Variants in GNG4 observed in about 807,000 individuals in gnomAD.
GNG4 encodes guanine nucleotide-binding protein G(I)/G(S)/G(O) subunit gamma-4.
A neutral mutation model predicts 5.8 loss-of-function variants in GNG4; 4 were observed. That is an observed-to-expected ratio of 0.69 (90% CI 0.34 to 1.57). GNG4 has a LOEUF of 1.57. GNG4 is among the 40% of genes most tolerant of loss of function. The pLI is 0.06. For synonymous variants in GNG4, 29 were observed against 32.9 expected (o/e 0.88, Z 0.41); for missense variants, 96 against 95.1 (o/e 1.01, Z -0.04).
At chr1:235,641,563 C>T (rs539556851) in intron 1 of GNG4, among the ~76,000 whole-genome samples, 50 of 152,208 alleles carry the variant, frequency 3.3e-4, no homozygotes, top group Non-Finnish European at 6.5e-4. Context: ...TGGTGGCGGG[C>T]GCCTGTAATC....
In GNG4 at chr1:235,549,301, G is replaced by C. The variant is rs1015802502; in HGVS notation, c.*2808C>G. 3.3e-5 allele frequency: 5 copies of C among 152,344 alleles called. No individual in the cohort carries two copies. Among genetic ancestry groups the C allele is most frequent in the African/African-American group, 1.2e-4 (5 of 41,412 alleles). The allele number at this position is 152,344 out of a possible 1,614,324, so 9.4% of individuals were successfully genotyped here. On this transcript the variant is annotated 3_prime_UTR_variant, in exon 4 of 4. Coordinates refer to ENST00000391854, the MANE Select transcript of GNG4 (RefSeq NM_001098722.2). The stretch of plus-strand genomic sequence containing the variant: ...AGGTCTGGAAGAGGTGCAGTAAAAG[G>C]ACAGAAAAGCATCTCACAGGGGAAG...
At position 235,568,214 on chromosome 1, in the gene GNG4, C is replaced by T. The variant is rs78089161; in HGVS notation, c.99+15526G>A. The stretch of plus-strand genomic sequence containing the variant: ...AAATTCCTTTAGCACTCATGATCCC[C>T]GCTCTAGTCATCACACCTGCAACAG... On this transcript the variant is annotated intron_variant, in intron 3 of 3. Coordinates refer to ENST00000391854, the MANE Select transcript of GNG4 (RefSeq NM_001098722.2). Among the ~76,000 whole-genome samples the T allele has an allele frequency of 1.1e-4, 16 of 152,076 alleles. No individual in the cohort carries two copies. The South Asian group carries it at 1.7e-3, about 16-fold the overall frequency.
chr1:235,553,745 G>A (rs1178387921), intron 3 of GNG4, among the ~76,000 whole-genome samples: 1 of 152,200 alleles, frequency 6.6e-6, no homozygotes, highest in African/African-American at 2.4e-5. Flanking sequence ...ATGTGGCATG[G>A]AGAAATGAGT....
At chr1:235,573,271 G>C (rs1687389312) in intron 3 of GNG4, among the ~76,000 whole-genome samples, 2 of 144,506 alleles carry the variant, frequency 1.4e-5, no homozygotes, top group Non-Finnish European at 3.0e-5. Flanking sequence ...GGTGGGAATT[G>C]AACAATATCG....
intron 1 of GNG4, among the ~76,000 whole-genome samples, chr1:235,613,887 G>A (rs1355762364): frequency 1.3e-5 from 2 of 152,122 alleles, no homozygotes; most frequent in African/African-American, 2.4e-5. Context: ...GACATATAAG[G>A]CTGGCAATCT....
intron 2 of GNG4, among the ~76,000 whole-genome samples, chr1:235,587,193 G>T (rs1221783981): frequency 1.4e-5 from 2 of 141,380 alleles, no homozygotes; most frequent in Non-Finnish European, 3.0e-5. Flanking sequence ...GTGAGTGTGT[G>T]TGACAGAAAG....
At chr1:235,610,794 AC>A (rs1688461118) in intron 1 of GNG4, among the ~76,000 whole-genome samples, 2 of 152,102 alleles carry the variant, frequency 1.3e-5, no homozygotes, top group African/African-American at 2.4e-5. Context: ...AAAAAAAAGC[AC>A]TGCAAGAGGC....
rs546710888 is a variant in GNG4 at position 235,644,945 on chromosome 1, C to T, written c.-123+4717G>A. On this transcript the variant is annotated intron_variant, in intron 1 of 3. Coordinates refer to ENST00000391854, the MANE Select transcript of GNG4 (RefSeq NM_001098722.2). This position sits in a 1 kb window ranked among gnomAD's most constrained non-coding sequence, Gnocchi z 5.9. ...GACCACTGATGAGGAAGGGGAGATG[C>T]AGCAGCAGACACTCCGTCCACATGG... is the stretch of plus-strand genomic sequence containing the variant. Among the ~76,000 whole-genome samples the T allele has an allele frequency of 7.9e-5, 12 of 152,254 alleles. No individual in the cohort carries two copies. The highest frequency in any genetic ancestry group is 2.4e-4 in the African/African-American group (10 of 41,548).
chr1:235,591,691 G>A (rs893757449), intron 2 of GNG4, among the ~76,000 whole-genome samples: 2 of 152,126 alleles, frequency 1.3e-5, no homozygotes, highest in South Asian at 2.1e-4. Flanking sequence ...ATCTCCACAC[G>A]CACACTGGCT....
At chr1:235,630,609 T>A (rs1357558130) in intron 1 of GNG4, among the ~76,000 whole-genome samples, 1 of 152,186 alleles carries the variant, frequency 6.6e-6, no homozygotes, top group Non-Finnish European at 1.5e-5. Context: ...GCAAGTCCTG[T>A]CTGATGGCTC....
chr1:235,594,698 G>A (rs1329356824), intron 2 of GNG4, among the ~76,000 whole-genome samples: 3 of 152,300 alleles, frequency 2.0e-5, no homozygotes, highest in South Asian at 2.1e-4. Context: ...CTAAACCCAC[G>A]CCCACCCAGA....
At chr1:235,589,587 C>A (rs1409238588) in intron 2 of GNG4, among the ~76,000 whole-genome samples, 1 of 152,196 alleles carries the variant, frequency 6.6e-6, no homozygotes, top group African/African-American at 2.4e-5. Flanking sequence ...GGAACCTGAC[C>A]CCAAGCAGGG....
intron 1 of GNG4, among the ~76,000 whole-genome samples, chr1:235,645,657 C>T (rs1304172149): frequency 1.3e-5 from 2 of 151,896 alleles, no homozygotes; most frequent in Non-Finnish European, 2.9e-5. Flanking sequence ...ATTAGCCGGG[C>T]GCGGTGGCAC....
chr1:235,599,998 A>ACCTT (rs1190440145), intron 1 of GNG4, among the ~76,000 whole-genome samples: 1 of 149,266 alleles, frequency 6.7e-6, no homozygotes, highest in Non-Finnish European at 1.5e-5. Flanking sequence ...GATTTTAGAC[A>ACCTT]CCTTCCCTGT....
intron 1 of GNG4, among the ~76,000 whole-genome samples, chr1:235,647,821 A>C (rs1217356817): frequency 1.3e-5 from 2 of 152,092 alleles, no homozygotes; most frequent in Non-Finnish European, 2.9e-5. Context: ...TTTTTAGTAG[A>C]TACGGGGTTT....
At chr1:235,580,575 TTC>T (rs1453533862) in intron 3 of GNG4, among the ~76,000 whole-genome samples, 1 of 152,120 alleles carries the variant, frequency 6.6e-6, no homozygotes, top group Non-Finnish European at 1.5e-5. Flanking sequence ...AATGACAACA[TTC>T]TGTTTCCACC....
chr1:235,574,348 G>T (rs1438984733), intron 3 of GNG4, among the ~76,000 whole-genome samples: 1 of 152,110 alleles, frequency 6.6e-6, no homozygotes, highest in East Asian at 1.9e-4. Flanking sequence ...TCCAGCCTGG[G>T]CAACAGAGAG....
intron 1 of GNG4, among the ~76,000 whole-genome samples, chr1:235,626,089 G>A (rs375661197): frequency 1.2e-4 from 19 of 152,116 alleles, no homozygotes; most frequent in African/African-American, 4.3e-4. Flanking sequence ...ATCCTGGCCC[G>A]CTTTGTGTAT....
At chr1:235,559,686 G>C (rs1687010034) in intron 3 of GNG4, among the ~76,000 whole-genome samples, 1 of 152,226 alleles carries the variant, frequency 6.6e-6, no homozygotes, top group African/African-American at 2.4e-5. Flanking sequence ...GGAAACCAGA[G>C]AGAGGAGGGT....
Sources: allele counts gnomAD v4.1 joint callset (sites outside exome capture counted in the v4.1 genomes callset), GRCh38; gene constraint gnomAD v4.1.1; non-coding constraint Gnocchi (gnomAD v3.1); transcripts MANE v1.5; gene names NCBI Gene and HGNC (gene_info 2026-07-23, HGNC 2026-07-21).